Variants in OPCML observed in about 807,000 individuals in gnomAD.
The protein encoded by OPCML is opioid binding protein/cell adhesion molecule like.
OPCML carries 13 observed loss-of-function variants against 37.8 expected under a neutral mutation model. That is an observed-to-expected ratio of 0.34 (90% CI 0.22 to 0.55). The LOEUF is 0.55. Among genes scored for constraint, OPCML ranks in the 20% least tolerant of loss-of-function variants. OPCML has a pLI of 0.91. For missense variants in OPCML, 341 were observed against 435.6 expected, an observed-to-expected ratio of 0.78 and a Z score of 1.93; for synonymous variants, 176 against 168.8, an observed-to-expected ratio of 1.04 and a Z score of -0.33.
At chr11:133,302,429 A>G (rs1942804047) in intron 1 of OPCML, 1 of 152,456 alleles carries the variant, frequency 6.6e-6, no homozygotes, top group Non-Finnish European at 1.5e-5. Context: ...CTGTGAGTCA[A>G]TTAAATCTCA....
At chr11:132,523,250 A>C (rs2096298705) in intron 4 of OPCML, among the ~76,000 whole-genome samples, 1 of 152,170 alleles carries the variant, frequency 6.6e-6, no homozygotes, top group South Asian at 2.1e-4. Context: ...AGTGACTAGA[A>C]GACAAAACTG....
At chr11:132,592,537 T>C (rs1466924398) in intron 3 of OPCML, among the ~76,000 whole-genome samples, 2 of 152,208 alleles carry the variant, frequency 1.3e-5, no homozygotes, top group East Asian at 1.9e-4. Context: ...GTCTGATGTA[T>C]ATAAACTAGT....
chr11:132,570,497 T>G (rs1282837131), intron 3 of OPCML, among the ~76,000 whole-genome samples: 3 of 151,954 alleles, frequency 2.0e-5, no homozygotes, highest in African/African-American at 7.3e-5. Flanking sequence ...ATACCATGAA[T>G]GTAATTGTAC....
chr11:132,621,219 C>T (rs765658545), intron 3 of OPCML, among the ~76,000 whole-genome samples: 2 of 152,188 alleles, frequency 1.3e-5, no homozygotes, highest in Non-Finnish European at 2.9e-5. Flanking sequence ...AGGGAGTTGG[C>T]TCAACTGTGT....
intron 2 of OPCML, among the ~76,000 whole-genome samples, chr11:132,919,607 G>A (rs1318957945): frequency 1.3e-4 from 20 of 152,208 alleles, no homozygotes. Context: ...TCCTGGGGAT[G>A]AAGAAACTCT....
intron 2 of OPCML, among the ~76,000 whole-genome samples, chr11:132,768,479 T>C (rs1283351301): frequency 6.6e-6 from 1 of 152,158 alleles, no homozygotes; most frequent in East Asian, 1.9e-4. Context: ...GCTTCTACAA[T>C]TTGGGTACTG....
intron 2 of OPCML, among the ~76,000 whole-genome samples, chr11:132,815,470 T>G (rs1391961072): frequency 1.3e-5 from 2 of 152,208 alleles, no homozygotes; most frequent in African/African-American, 4.8e-5. Context: ...TGGCGTTAAG[T>G]TTGAAGTCTT....
At chr11:132,497,685 C>T (rs2096235810) in intron 4 of OPCML, among the ~76,000 whole-genome samples, 1 of 151,884 alleles carries the variant, frequency 6.6e-6, no homozygotes, top group African/African-American at 2.4e-5. Flanking sequence ...AGAAAAGAGC[C>T]CTTTTGGTCT....
chr11:132,635,971 C>G lies in OPCML; in HGVS notation c.379+21116G>C, dbSNP rs150936665. Reference sequence around the variant, plus strand: ...TAGCTACATGTTGAAAATACTCCCCCCCGGATACAAGATGTCCATTGTTTG... The same window carrying G: ...TAGCTACATGTTGAAAATACTCCCCGCCGGATACAAGATGTCCATTGTTTG... On this transcript the variant is annotated intron_variant, in intron 3 of 7. Coordinates refer to ENST00000524381, the MANE Select transcript of OPCML (RefSeq NM_001012393.5). Among the ~76,000 whole-genome samples, 914 of 152,194 alleles carry G rather than the reference C, an allele frequency of 6.0e-3. 6 individuals carry two copies. The highest frequency in any genetic ancestry group is 0.03 in the South Asian group (143 of 4,818).
chr11:133,175,683 G>T (rs905078728), intron 1 of OPCML, among the ~76,000 whole-genome samples: 19 of 149,766 alleles, frequency 1.3e-4, no homozygotes, highest in Non-Finnish European at 7.4e-5. Flanking sequence ...TGAGAGTCTG[G>T]ATTTAGAGTG....
At chr11:132,542,667 A>G (rs2096359654) in intron 3 of OPCML, among the ~76,000 whole-genome samples, 1 of 152,118 alleles carries the variant, frequency 6.6e-6, no homozygotes, top group Admixed American at 6.6e-5. Flanking sequence ...CCAATGATGA[A>G]TGGGCTGCAG....
Position 132,523,150 on chromosome 11 carries a change from G to A in OPCML, c.505+5911C>T, listed in dbSNP as rs148899531. Reference sequence around the variant, plus strand: ...TTGAACTCCTGACCTCAGGTGATCCGCCCATCTCAGCCTCCCAAAGTGCTC... The same window carrying A: ...TTGAACTCCTGACCTCAGGTGATCCACCCATCTCAGCCTCCCAAAGTGCTC... On this transcript the variant is annotated intron_variant, in intron 4 of 7. Transcript: ENST00000524381. Among the ~76,000 whole-genome samples, 1,309 of 152,192 alleles carry A rather than the reference G, an allele frequency of 8.6e-3. 13 individuals carry two copies. The highest frequency in any genetic ancestry group is 0.03 in the African/African-American group (1,225 of 41,510).
chr11:132,467,995 G>T (rs536562597), intron 4 of OPCML, among the ~76,000 whole-genome samples: 1 of 152,152 alleles, frequency 6.6e-6, no homozygotes, highest in African/African-American at 2.4e-5. Context: ...TGATCTCCAC[G>T]CTGACAAACC....
intron 4 of OPCML, among the ~76,000 whole-genome samples, chr11:132,490,704 G>A (rs999404270): frequency 1.3e-5 from 2 of 151,684 alleles, no homozygotes; most frequent in Admixed American, 6.6e-5. Context: ...CTGTGGTCCC[G>A]GCTACTCGAG....
intron 1 of OPCML, among the ~76,000 whole-genome samples, chr11:133,507,667 G>A (rs1280122976): frequency 1.3e-5 from 2 of 152,188 alleles, no homozygotes; most frequent in African/African-American, 4.8e-5. Context: ...ATCTCAGGCT[G>A]GGCACAGTGG....
chr11:133,497,209 T>A (rs1947805239), intron 1 of OPCML, among the ~76,000 whole-genome samples: 1 of 152,174 alleles, frequency 6.6e-6, no homozygotes, highest in Non-Finnish European at 1.5e-5. Flanking sequence ...TCATATTTTC[T>A]TATTCTTTTT....
intron 1 of OPCML, among the ~76,000 whole-genome samples, chr11:132,991,765 G>T (rs757397356): frequency 1.3e-5 from 2 of 152,088 alleles, no homozygotes; most frequent in African/African-American, 2.4e-5. Flanking sequence ...TGGGAAATGT[G>T]GCCACCCCAA....
chr11:132,783,708 T>A (rs1947108900), intron 2 of OPCML, among the ~76,000 whole-genome samples: 1 of 151,724 alleles, frequency 6.6e-6, no homozygotes. Flanking sequence ...ATCCTTTCAA[T>A]TAATGTAATT....
chr11:133,105,981 T>TA lies in OPCML; in HGVS notation c.62-162972dup, dbSNP rs56351919. 7.6e-3 allele frequency among the ~76,000 whole-genome samples: 702 copies of TA among 92,954 alleles called. 3 individuals are homozygous for TA. Among genetic ancestry groups the TA allele is most frequent in the Middle Eastern group, 0.035 (7 of 202 alleles). 61.0% of individuals were successfully genotyped at this position (92,954 alleles called of 152,430 possible). A position where few individuals can be genotyped will look rare whatever the true frequency, so the allele number is the denominator to read the frequency against. ...TGGGCGACAGAGCAAGACTCCATCT[T>TA]AAAAATAAAAAAAAAAAGAAAAAAA... On this transcript the variant is annotated intron_variant, in intron 1 of 7. Transcript: ENST00000524381.
Sources: allele counts gnomAD v4.1 joint callset (sites outside exome capture counted in the v4.1 genomes callset), GRCh38; gene constraint gnomAD v4.1.1; transcripts MANE v1.5; gene names NCBI Gene and HGNC (gene_info 2026-07-23, HGNC 2026-07-21).